Variants in PSMD5 observed in about 807,000 individuals in gnomAD.
The protein encoded by PSMD5 is proteasome 26S subunit, non-ATPase 5.
In PSMD5, 40 loss-of-function variants were observed where a neutral mutation model predicts 52.1. The observed-to-expected ratio is 0.77, with a 90% CI of 0.60 to 1.00. PSMD5 has a LOEUF of 1.00. PSMD5 is among the 50% of genes least tolerant of loss of function. PSMD5 has a pLI of 0.00. For missense variants in PSMD5, 575 were observed against 605.2 expected, an observed-to-expected ratio of 0.95 and a Z score of 0.52; for synonymous variants, 211 against 226.6, an observed-to-expected ratio of 0.93 and a Z score of 0.62.
chr9:120,841,698 C>A (rs182545634), intron 1 of PSMD5: 48 of 152,286 alleles, frequency 3.2e-4, no homozygotes, highest in Non-Finnish European at 5.6e-4. Flanking sequence ...AGAGTAATAG[C>A]GCATAATTTG....
intron 1 of PSMD5, among the ~76,000 whole-genome samples, chr9:120,836,059 G>C (rs1443245577): frequency 1.3e-5 from 2 of 152,076 alleles, no homozygotes; most frequent in African/African-American, 4.8e-5. Context: ...TGTCTCTCTA[G>C]ATTTGACTAC....
chr9:120,834,505 G>T (rs1215448355), intron 1 of PSMD5, among the ~76,000 whole-genome samples: 1 of 152,136 alleles, frequency 6.6e-6, no homozygotes, highest in Non-Finnish European at 1.5e-5. Context: ...AGAGGGAGTA[G>T]CAGCACATGA....
At position 120,823,510 on chromosome 9, in the gene PSMD5, C is replaced by CTTTTTTTTTTT. The variant is rs1263218977; in HGVS notation, c.1006+973_1006+983dup. Among the ~76,000 whole-genome samples the CTTTTTTTTTTT allele has an allele frequency of 6.0e-4, 65 of 108,658 alleles. 3 individuals are homozygous for CTTTTTTTTTTT. Among genetic ancestry groups the CTTTTTTTTTTT allele is most frequent in the African/African-American group, 1.9e-3 (55 of 28,224 alleles). The allele number at this position is 108,658 out of a possible 152,430, so 71.3% of individuals were successfully genotyped here. ...AGGCATGAGCCACCATACCTGGCCT[C>CTTTTTTTTTTT]TTTTTTTTTTTTTTTTTTTGAGATA... On this transcript the variant is annotated intron_variant, in intron 7 of 9. Transcript: ENST00000210313.
chr9:120,838,675 C>T (rs1001986195), intron 1 of PSMD5, among the ~76,000 whole-genome samples: 3 of 152,192 alleles, frequency 2.0e-5, no homozygotes, highest in African/African-American at 7.2e-5. Flanking sequence ...CTCCTTCATT[C>T]AGCAAACTAT....
intron 1 of PSMD5, among the ~76,000 whole-genome samples, chr9:120,840,740 C>T (rs978057465): frequency 6.6e-6 from 1 of 151,984 alleles, no homozygotes; most frequent in African/African-American, 2.4e-5. Context: ...CTGCCTCAGC[C>T]TCCAGAGTAG....
chr9:120,833,146 T>C (rs1478277462), intron 2 of PSMD5, among the ~76,000 whole-genome samples, 166 bp downstream of exon 2: 1 of 151,252 alleles, frequency 6.6e-6, no homozygotes, highest in East Asian at 1.9e-4. Context: ...CTATGCACAT[T>C]GGAATAGACC....
chr9:120,822,529 C>A (rs771239955), intron 7 of PSMD5, among the ~76,000 whole-genome samples: 2 of 152,044 alleles, frequency 1.3e-5, no homozygotes, highest in Non-Finnish European at 2.9e-5. Flanking sequence ...TATTAATTTT[C>A]TTTTTTTCTT....
At chr9:120,826,583 A>T in intron 6 of PSMD5, 182 bp downstream of exon 6, 1 of 671,446 alleles carries the variant, frequency 1.5e-6, no homozygotes, top group Non-Finnish European at 2.4e-6. Flanking sequence ...TGACCCTTTT[A>T]ATGTGCTGTT....
At chr9:120,824,285 C>T in intron 7 of PSMD5, 1 of 582,256 alleles carries the variant, frequency 1.7e-6, no homozygotes, top group Non-Finnish European at 3.0e-6. Flanking sequence ...CCAATGAAAA[C>T]CTAAACCAGT....
rs56017002 is a variant in PSMD5, at chr9:120,834,088, C to T, written c.174-632G>A. ...TCCGCCTCCTGGGTTCAAACAATTC[C>T]CCTGCCTCAGCCTCCCGAGTAGCTG... On this transcript the variant is annotated intron_variant, in intron 1 of 9. Coordinates refer to ENST00000210313, the MANE Select transcript of PSMD5 (RefSeq NM_005047.4). Among the ~76,000 whole-genome samples the T allele has an allele frequency of 3.3e-3, 485 of 148,552 alleles. 2 individuals are homozygous for T. Among genetic ancestry groups the T allele is most frequent in the African/African-American group, 0.012 (468 of 40,386 alleles).
chr9:120,834,524 A>G (rs1362304973), intron 1 of PSMD5, among the ~76,000 whole-genome samples: 1 of 152,218 alleles, frequency 6.6e-6, no homozygotes, highest in Admixed American at 6.5e-5. Flanking sequence ...GAAAAGGCAG[A>G]GAGGAATAAG....
chr9:120,818,972 G>A (rs1388892981), intron 9 of PSMD5, among the ~76,000 whole-genome samples: 1 of 152,160 alleles, frequency 6.6e-6, no homozygotes, highest in African/African-American at 2.4e-5. Flanking sequence ...ATAGGACTGG[G>A]CAGAGGTAGC....
intron 6 of PSMD5, among the ~76,000 whole-genome samples, chr9:120,826,058 G>A (rs138819334): frequency 0.011 from 1,629 of 149,054 alleles, 34 homozygotes; most frequent in African/African-American, 0.039. Flanking sequence ...GCAGTGGCGC[G>A]ATCCTGGCTC....
intron 3 of PSMD5, 157 bp downstream of exon 3, chr9:120,831,675 G>A: frequency 1.6e-6 from 2 of 1,229,954 alleles, no homozygotes; most frequent in African/African-American, 3.0e-5. Flanking sequence ...GTATTTACTT[G>A]ACAACCATTT....
rs184595566 is a variant in PSMD5 at position 120,836,966 on chromosome 9, T to C, written c.174-3510A>G. 8.4e-3 allele frequency among the ~76,000 whole-genome samples: 1,271 copies of C among 151,144 alleles called. 28 individuals are homozygous for C. Among genetic ancestry groups the C allele is most frequent in the African/African-American group, 0.029 (1,198 of 41,116 alleles). On this transcript the variant is annotated intron_variant, in intron 1 of 9. Coordinates refer to ENST00000210313, the MANE Select transcript of PSMD5 (RefSeq NM_005047.4). The stretch of plus-strand genomic sequence containing the variant: ...GTGCAGTGGTGCGATCTTGGCTCAC[T>C]GCAACCTCTGCCTCCCAGGTTCAAG...
At chr9:120,840,955 T>C (rs1306547028) in intron 1 of PSMD5, among the ~76,000 whole-genome samples, 1 of 151,882 alleles carries the variant, frequency 6.6e-6, no homozygotes, top group East Asian at 2.0e-4. Context: ...AGTTTCACCA[T>C]GTTGGCCAGG....
chr9:120,818,281 CTAAG>C (rs751061034), intron 9 of PSMD5, 118 bp from the exon 10 acceptor site: 2 of 1,023,508 alleles, frequency 2.0e-6, no homozygotes, highest in Non-Finnish European at 2.7e-6. Context: ...TACCTTTTGT[CTAAG>C]TAAATTCCTT....
chr9:120,832,342 G>A (rs2045167010), intron 2 of PSMD5, among the ~76,000 whole-genome samples: 1 of 151,772 alleles, frequency 6.6e-6, no homozygotes, highest in African/African-American at 2.4e-5. Context: ...TACAGTGTCT[G>A]GCATATAAAT....
chr9:120,835,678 G>C (rs542373870), intron 1 of PSMD5, among the ~76,000 whole-genome samples: 1 of 151,664 alleles, frequency 6.6e-6, no homozygotes, highest in Non-Finnish European at 1.5e-5. Context: ...GCAGTGAGTC[G>C]AGATAGCGCC....
Sources: allele counts gnomAD v4.1 joint callset (sites outside exome capture counted in the v4.1 genomes callset), GRCh38; gene constraint gnomAD v4.1.1; transcripts MANE v1.5; gene names NCBI Gene and HGNC (gene_info 2026-07-23, HGNC 2026-07-21).